ATP10B: variants seen among roughly 807,000 people sequenced by gnomAD.
The protein encoded by ATP10B is ATPase phospholipid transporting 10B (putative), also known as phospholipid-transporting ATPase VB.
Under a neutral mutation model 141.2 loss-of-function variants are expected in ATP10B, and 122 were observed. The observed-to-expected ratio is 0.86, with a 90% confidence interval of 0.75 to 1.00. ATP10B has a LOEUF of 1.00. ATP10B is among the 50% of genes least tolerant of loss of function. ATP10B has a pLI of 0.00. For missense variants in ATP10B, 1,876 were observed against 1,825.3 expected (o/e 1.03, Z -0.51); for synonymous variants, 685 against 692.0 (o/e 0.99, Z 0.16).
intron 3 of ATP10B, among the ~76,000 whole-genome samples, chr5:160,692,433 A>G (rs1764126179): frequency 6.6e-6 from 1 of 152,184 alleles, no homozygotes; most frequent in Non-Finnish European, 1.5e-5. Flanking sequence ...AAATAGAGTC[A>G]TAACTAAGCA....
upstream of ATP10B, among the ~76,000 whole-genome samples, chr5:160,853,574 A>G (rs1052269279): frequency 2.0e-5 from 3 of 152,144 alleles, no homozygotes; most frequent in Non-Finnish European, 2.9e-5. Flanking sequence ...TTCCTGGTAA[A>G]GAGAGAGGCA....
chr5:160,807,038 AAG>A (rs1772826843), intron 1 of ATP10B, among the ~76,000 whole-genome samples: 6 of 152,334 alleles, frequency 3.9e-5, no homozygotes, highest in Admixed American at 3.3e-4. Context: ...CAACCCAGTA[AAG>A]AGAGAATCTA....
chr5:160,801,837 C>T (rs1439044581), intron 1 of ATP10B, among the ~76,000 whole-genome samples: 1 of 152,154 alleles, frequency 6.6e-6, no homozygotes, highest in Non-Finnish European at 1.5e-5. Flanking sequence ...TTACGTGATC[C>T]TTCCCACACG....
chr5:160,794,938 A>G (rs1258098945), intron 1 of ATP10B, among the ~76,000 whole-genome samples: 2 of 152,156 alleles, frequency 1.3e-5, no homozygotes, highest in African/African-American at 4.8e-5. Context: ...ATATTCCACA[A>G]ATGCAAGAAA....
chr5:160,923,589 C>T, the ATP10B span, among the ~76,000 whole-genome samples: 522 of 152,280 alleles, frequency 3.4e-3, 1 homozygote, highest in African/African-American at 0.011. Context: ...ATCACACAGA[C>T]ATTAAAGAGG....
chr5:160,611,720 A>C (rs1312315580), intron 18 of ATP10B: 2 of 152,254 alleles, frequency 1.3e-5, no homozygotes, highest in Non-Finnish European at 2.9e-5. Context: ...TCAGCCTCAG[A>C]CAAAATTTAG....
chr5:160,800,301 AAAT>A (rs945534312), intron 1 of ATP10B, among the ~76,000 whole-genome samples: 1 of 152,240 alleles, frequency 6.6e-6, no homozygotes, highest in African/African-American at 2.4e-5. Context: ...TATAAAATGG[AAAT>A]AATAAAAATG....
At chr5:160,671,969 CTTTTTTTTTTTTT>C (rs70990741) in intron 6 of ATP10B, among the ~76,000 whole-genome samples, 1 of 68,388 alleles carries the variant, frequency 1.5e-5, no homozygotes, top group Non-Finnish European at 2.4e-5. Flanking sequence ...GCAATGCATC[CTTTTTTTTTTTTT>C]TTTTTTTTTT....
intron 2 of ATP10B, among the ~76,000 whole-genome samples, chr5:160,773,070 G>GTTAT (rs5872658): frequency 0.34 from 52,231 of 151,748 alleles, 10,416 homozygotes; most frequent in East Asian, 0.75. Flanking sequence ...ATTTGTTGTC[G>GTTAT]TTGTTAATTA....
intron 5 of ATP10B, among the ~76,000 whole-genome samples, chr5:160,686,515 T>A (rs1724231915): frequency 6.6e-6 from 1 of 152,194 alleles, no homozygotes; most frequent in South Asian, 2.1e-4. Flanking sequence ...TTTGTGAGAT[T>A]TTGGTGCATC....
At chr5:160,721,605 G>A (rs1309466779) in intron 2 of ATP10B, among the ~76,000 whole-genome samples, 3 of 152,198 alleles carry the variant, frequency 2.0e-5, no homozygotes, top group Admixed American at 1.3e-4. Flanking sequence ...AGGCTAAGAG[G>A]ATGGGGCTAC....
At chr5:160,885,244 C>T in the ATP10B span, among the ~76,000 whole-genome samples, 1 of 152,158 alleles carries the variant, frequency 6.6e-6, no homozygotes, top group Non-Finnish European at 1.5e-5. Flanking sequence ...TCTGATTGTT[C>T]TCAGCTCTCC....
chr5:160,672,967 G>A (rs968102251), intron 6 of ATP10B, among the ~76,000 whole-genome samples: 1 of 152,180 alleles, frequency 6.6e-6, no homozygotes, highest in African/African-American at 2.4e-5. Context: ...TGAAATAAAG[G>A]TGCTTCCATT....
intron 1 of ATP10B, among the ~76,000 whole-genome samples, chr5:160,831,678 C>G (rs933653586): frequency 1.3e-5 from 2 of 152,022 alleles, no homozygotes; most frequent in East Asian, 3.8e-4. Flanking sequence ...TCTGGAATAG[C>G]AGATAAGAAG....
intron 18 of ATP10B, among the ~76,000 whole-genome samples, chr5:160,608,014 G>T (rs1016391062): frequency 1.3e-5 from 2 of 152,082 alleles, no homozygotes; most frequent in African/African-American, 2.4e-5. Flanking sequence ...GTGCCATGTT[G>T]GTTGGCTACA....
chr5:160,791,274 C>T (rs1163142247), intron 1 of ATP10B, among the ~76,000 whole-genome samples: 1 of 152,082 alleles, frequency 6.6e-6, no homozygotes, highest in Non-Finnish European at 1.5e-5. Context: ...TTGTTTTTAG[C>T]TTCTAAGTTT....
chr5:160,832,401 A>G (rs1470304411), intron 1 of ATP10B, among the ~76,000 whole-genome samples: 2 of 152,184 alleles, frequency 1.3e-5, no homozygotes, highest in Non-Finnish European at 2.9e-5. Context: ...GTAGTTTTAT[A>G]TGTACTAATA....
At chr5:160,817,566 A>T (rs1168884766) in intron 1 of ATP10B, among the ~76,000 whole-genome samples, 1 of 152,200 alleles carries the variant, frequency 6.6e-6, no homozygotes, top group Non-Finnish European at 1.5e-5. Context: ...GTAAATGGCC[A>T]TATTGCCCAA....
intron 1 of ATP10B, among the ~76,000 whole-genome samples, chr5:160,818,965 C>G (rs1773897427): frequency 1.3e-5 from 2 of 152,086 alleles, no homozygotes; most frequent in Non-Finnish European, 1.5e-5. Flanking sequence ...CACATGGACA[C>G]AGGAAAGGGA....
Sources: allele counts gnomAD v4.1 joint callset (sites outside exome capture counted in the v4.1 genomes callset), GRCh38; gene constraint gnomAD v4.1.1; transcripts MANE v1.5; gene names NCBI Gene and HGNC (gene_info 2026-07-23, HGNC 2026-07-21).